Variants in EIF3B observed in about 807,000 individuals in gnomAD.
EIF3B encodes eukaryotic translation initiation factor 3 subunit 9.
Under a neutral mutation model 104.6 loss-of-function variants are expected in EIF3B, and 10 were observed. The ratio of observed to expected loss-of-function variants is 0.10; its 90% CI spans 0.06 to 0.16. The LOEUF is 0.16. EIF3B is among the 10% of genes least tolerant of loss of function. EIF3B has a pLI of 1.00. For missense variants in EIF3B, 1,014 were observed against 1,087.9 expected, an observed-to-expected ratio of 0.93 and a Z score of 0.96; for synonymous variants, 542 against 417.2, an observed-to-expected ratio of 1.30 and a Z score of -3.65.
intron 1 of EIF3B, among the ~76,000 whole-genome samples, chr7:2,359,420 T>C (rs532208365): frequency 6.6e-6 from 1 of 152,182 alleles, no homozygotes; most frequent in African/African-American, 2.4e-5. Flanking sequence ...TATAATGAGA[T>C]CTTCATAGAA....
At position 2,379,261 on chromosome 7, in the gene EIF3B, A is replaced by G. The variant is rs770670098; in HGVS notation, c.2341+19A>G. ...CGAGGAGGTAACTTAGAGATCCCTC[A>G]GTCCCCAGGAGCTGGCCCTTACGCT... On this transcript the variant is annotated intron_variant, in intron 17 of 18. Transcript: ENST00000360876. The G allele has an allele frequency of 3.1e-6, 5 of 1,601,818 alleles. No homozygotes were observed. Among genetic ancestry groups the G allele is most frequent in the South Asian group, 1.1e-5 (1 of 89,818 alleles).
intron 1 of EIF3B, among the ~76,000 whole-genome samples, chr7:2,358,472 A>C (rs995767750): frequency 1.3e-5 from 2 of 151,032 alleles, no homozygotes; most frequent in Non-Finnish European, 2.9e-5. Flanking sequence ...ACTTTTGAGA[A>C]TAAATACAGT....
chr7:2,367,554 C>T (rs557475330), intron 9 of EIF3B, among the ~76,000 whole-genome samples: 1 of 152,322 alleles, frequency 6.6e-6, no homozygotes, highest in Admixed American at 6.5e-5. Context: ...GCTGCAACCT[C>T]CACCTCCTGG....
chr7:2,367,564 G>C (rs958394007), intron 9 of EIF3B, among the ~76,000 whole-genome samples: 1 of 152,128 alleles, frequency 6.6e-6, no homozygotes, highest in African/African-American at 2.4e-5. Flanking sequence ...CCACCTCCTG[G>C]GTTCAAGTGA....
intron 15 of EIF3B, among the ~76,000 whole-genome samples, chr7:2,377,288 A>C (rs1023608174): frequency 2.0e-5 from 3 of 152,226 alleles, no homozygotes; most frequent in African/African-American, 7.2e-5. Context: ...TCTTTAGGGA[A>C]GTTTTGCATG....
chr7:2,355,517 A>G (rs1211661114), intron 1 of EIF3B, 97 bp downstream of exon 1: 3 of 1,383,002 alleles, frequency 2.2e-6, no homozygotes, highest in Admixed American at 3.1e-5. Flanking sequence ...CGGTTCGTGC[A>G]GAAGTTCCAG....
rs991641840 is a variant in EIF3B, at chr7:2,364,403, C to A, written c.1031C>A (p.Pro344His). 2.9e-5 allele frequency: 47 copies of A among 1,611,968 alleles called. No homozygotes were observed. The highest frequency in any genetic ancestry group is 4.0e-5 in the African/African-American group (3 of 74,854). ...ACAGAGACGTATGTGCGTTGGTCTC[C>A]TAAGGGCACCTACCTGGCTACCTTT... is the stretch of plus-strand genomic sequence containing the variant. ...RWTETYVRWS[P>H]KGTYLATFHQ... The change falls in exon 6 of 19, where the codon CCT (proline) becomes CAT (histidine). Residue 344 changes from proline (P) to histidine (H), a missense_variant. Pro to His is a moderately conservative substitution (Grantham distance 77). Coordinates refer to ENST00000360876, the MANE Select transcript of EIF3B (RefSeq NM_001037283.2).
intron 1 of EIF3B, among the ~76,000 whole-genome samples, chr7:2,360,226 A>T (rs1048735766): frequency 4.6e-5 from 7 of 152,116 alleles, no homozygotes; most frequent in African/African-American, 1.4e-4. Flanking sequence ...CACAGCACAA[A>T]TGTGCTGTGA....
Position 2,363,713 on chromosome 7 carries a change from A to T in EIF3B, c.952A>T (p.Ile318Leu). 3 of 1,614,138 alleles carry T rather than the reference A, an allele frequency of 1.9e-6. No homozygotes were observed. The highest frequency in any genetic ancestry group is 2.5e-6 in the Non-Finnish European group (3 of 1,180,016). ...TTTTGAGAGTGGAGACCGCACTTCC[A>T]TATTCTGGAATGACGTAAAAGACCC... Reference protein sequence around the residue: ...VIFESGDRTSIFWNDVKDPVS... With the variant: ...VIFESGDRTSLFWNDVKDPVS... The change falls in exon 5 of 19, where the codon ATA (isoleucine) becomes TTA (leucine). Residue 318 changes from isoleucine to leucine, a missense_variant. Ile to Leu is a conservative substitution (Grantham distance 5, BLOSUM62 2). Around this residue, in one of 4 missense-constraint regions of EIF3B, gnomAD observed 201 missense variants for 240.7 expected, o/e 0.83. Transcript: ENST00000360876.
intron 15 of EIF3B, among the ~76,000 whole-genome samples, chr7:2,377,324 C>T (rs1780688548): frequency 6.6e-6 from 1 of 152,212 alleles, no homozygotes; most frequent in Non-Finnish European, 1.5e-5. Flanking sequence ...TAAAAAGATG[C>T]CAGGGCCATT....
At position 2,355,654 on chromosome 7, in the gene EIF3B, G is replaced by A. The variant is rs549693183; in HGVS notation, c.499+234G>A. On this transcript the variant is annotated intron_variant, in intron 1 of 18. Transcript: ENST00000360876. ...AAGGGGACAGGGTGGAGCTCACTTC[G>A]GGAGCCAGGCATTTGCATGACAACC... 5.3e-5 allele frequency among the ~76,000 whole-genome samples: 8 copies of A among 152,282 alleles called. No homozygotes were observed. In the South Asian group the frequency reaches 1.7e-3, roughly 32 times the overall value.
intron 13 of EIF3B, 87 bp from the exon 14 acceptor site, chr7:2,375,302 G>A (rs1583178835): frequency 6.4e-7 from 1 of 1,573,436 alleles, no homozygotes; most frequent in East Asian, 2.3e-5. Context: ...GGCTCCCTGG[G>A]GACCCCATGC....
chr7:2,375,000 G>A (rs1780557510), intron 13 of EIF3B: 1 of 308,264 alleles, frequency 3.2e-6, no homozygotes, highest in Non-Finnish European at 6.1e-6. Flanking sequence ...TGGTGTCACG[G>A]TGTCGGTCTC....
chr7:2,357,524 A>G (rs1418119906), intron 1 of EIF3B, among the ~76,000 whole-genome samples: 1 of 152,162 alleles, frequency 6.6e-6, no homozygotes, highest in East Asian at 1.9e-4. Flanking sequence ...GTCTTGCTTT[A>G]TTACTTTTTT....
At chr7:2,380,143 C>T in intron 18 of EIF3B, 61 bp from the exon 19 acceptor site, 1 of 330,558 alleles carries the variant, frequency 3.0e-6, no homozygotes, top group South Asian at 2.3e-5. Flanking sequence ...AGGCGATGTT[C>T]AGGGGGTCCC....
chr7:2,355,781 T>G (rs534038897), intron 1 of EIF3B, among the ~76,000 whole-genome samples: 13 of 152,126 alleles, frequency 8.5e-5, no homozygotes, highest in African/African-American at 3.1e-4. Context: ...GAAGACCCGG[T>G]GGCAGGTTTG....
At chr7:2,378,290 T>A in intron 15 of EIF3B, 1 of 224,480 alleles carries the variant, frequency 4.5e-6, no homozygotes, top group Non-Finnish European at 8.6e-6. Flanking sequence ...ACCCTCGGTG[T>A]CATGGAGGAA....
intron 10 of EIF3B, among the ~76,000 whole-genome samples, chr7:2,370,362 A>C (rs2115318665): frequency 6.6e-6 from 1 of 152,136 alleles, no homozygotes; most frequent in African/African-American, 2.4e-5. Context: ...CTGTAGTCCC[A>C]GCTACTCGGG....
chr7:2,355,546 C>T (rs1452809830), intron 1 of EIF3B, 126 bp downstream of exon 1: 12 of 1,291,210 alleles, frequency 9.3e-6, no homozygotes, highest in Middle Eastern at 2.8e-4. Flanking sequence ...TCCGTGTGTT[C>T]CTGAGAAGCC....
Sources: allele counts gnomAD v4.1 joint callset (sites outside exome capture counted in the v4.1 genomes callset), GRCh38; gene constraint gnomAD v4.1.1; regional missense constraint gnomAD v4.1.1; transcripts MANE v1.5; gene names NCBI Gene and HGNC (gene_info 2026-07-23, HGNC 2026-07-21).